The following CBLN2 variants were observed in gnomAD, a reference collection of about 807,000 sequenced individuals.
CBLN2 encodes cerebellin-2.
CBLN2 carries 7 observed loss-of-function variants against 15.0 expected under a neutral mutation model. The observed-to-expected ratio is 0.47, with a 90% confidence interval of 0.27 to 0.88. The LOEUF (loss-of-function observed/expected upper bound fraction) is 0.88, where lower values mean the gene tolerates loss of function less well. Among genes scored for constraint, CBLN2 ranks in the 40% least tolerant of loss-of-function variants. CBLN2 has a pLI of 0.14. For synonymous variants in CBLN2, 149 were observed against 135.2 expected (o/e 1.10, Z -0.71); for missense variants, 242 against 304.5 (o/e 0.79, Z 1.53).
chr18:72,574,103 A>G lies in CBLN2; in HGVS notation c.16-35331T>C, dbSNP rs190542495. ...ATTTTCTTTGATGAGGTGTCTGTTT[A>G]GGTTTTTTGCTCATTTTTTACTTGA... On this transcript the variant is annotated intron_variant, in intron 1 of 2. Transcript: ENST00000581073. Among the ~76,000 whole-genome samples the G allele has an allele frequency of 2.3e-3, 352 of 152,182 alleles. 1 individual carries two copies. The highest frequency in any genetic ancestry group is 8.1e-3 in the African/African-American group (335 of 41,516).
At chr18:72,577,872 G>T (rs886139615) in intron 1 of CBLN2, among the ~76,000 whole-genome samples, 1 of 152,202 alleles carries the variant, frequency 6.6e-6, no homozygotes, top group African/African-American at 2.4e-5. Context: ...ATCAGCATTA[G>T]AGCATTGTGA....
chr18:72,628,002 T>G (rs1312962317), intron 1 of CBLN2, among the ~76,000 whole-genome samples: 1 of 152,214 alleles, frequency 6.6e-6, no homozygotes, highest in East Asian at 1.9e-4. Context: ...TTCTTATGTC[T>G]TATGTATTAT....
chr18:72,560,756 C>T (rs891622421), intron 1 of CBLN2, among the ~76,000 whole-genome samples: 1 of 152,210 alleles, frequency 6.6e-6, no homozygotes, highest in Admixed American at 6.5e-5. Flanking sequence ...CGCCTGTAAT[C>T]CCAGCACTTT....
intron 1 of CBLN2, among the ~76,000 whole-genome samples, chr18:72,581,960 T>G (rs1052533182): frequency 6.6e-6 from 1 of 152,196 alleles, no homozygotes; most frequent in Non-Finnish European, 1.5e-5. Flanking sequence ...TTTTGGGGTT[T>G]TGTTTGTGAG....
chr18:72,615,226 AT>A (rs1272947439), intron 1 of CBLN2, among the ~76,000 whole-genome samples: 1 of 137,504 alleles, frequency 7.3e-6, no homozygotes, highest in Non-Finnish European at 1.5e-5. Context: ...ATATATGTAC[AT>A]ATATATTATA....
intron 1 of CBLN2, among the ~76,000 whole-genome samples, chr18:72,555,908 A>G (rs753468470): frequency 9.9e-5 from 15 of 152,180 alleles, no homozygotes; most frequent in Admixed American, 1.3e-4. Flanking sequence ...TATGTGGAGC[A>G]GGATGGCTTC....
intron 1 of CBLN2, among the ~76,000 whole-genome samples, chr18:72,560,148 C>T (rs904213261): frequency 7.9e-5 from 12 of 152,198 alleles, no homozygotes; most frequent in Non-Finnish European, 1.5e-4. Flanking sequence ...TTTGTAAGCA[C>T]AAGGGCTGTG....
intron 1 of CBLN2, among the ~76,000 whole-genome samples, chr18:72,601,173 T>G (rs150376655): frequency 2.1e-3 from 318 of 152,336 alleles, no homozygotes; most frequent in Non-Finnish European, 3.8e-3. Context: ...TGAGGGCTAT[T>G]ATCATCCTTG....
intron 3 of CBLN2, chr18:72,540,233 CT>C (rs1227647370): frequency 6.6e-6 from 1 of 152,240 alleles, no homozygotes; most frequent in East Asian, 1.9e-4. Context: ...ACCTCAACTC[CT>C]TCACCTCAAT....
At chr18:72,616,229 G>A (rs888013625) in intron 1 of CBLN2, among the ~76,000 whole-genome samples, 13 of 152,146 alleles carry the variant, frequency 8.5e-5, no homozygotes, top group African/African-American at 3.1e-4. Context: ...ACCTGCTTTA[G>A]TCTTCCTCCA....
intron 1 of CBLN2, among the ~76,000 whole-genome samples, chr18:72,609,124 T>G (rs1286329171): frequency 1.3e-5 from 2 of 152,142 alleles, no homozygotes; most frequent in East Asian, 3.9e-4. Context: ...GGTGTCTGTA[T>G]CTCAGCAGAG....
chr18:72,574,402 G>A (rs996250903), intron 1 of CBLN2, among the ~76,000 whole-genome samples: 1 of 152,174 alleles, frequency 6.6e-6, no homozygotes, highest in Non-Finnish European at 1.5e-5. Context: ...TTAGGCAACT[G>A]TTCTGAAGAC....
intron 1 of CBLN2, among the ~76,000 whole-genome samples, chr18:72,583,183 C>T (rs1415741568): frequency 6.6e-6 from 1 of 152,184 alleles, no homozygotes; most frequent in Non-Finnish European, 1.5e-5. Flanking sequence ...CAAGTTTCTC[C>T]TTAAACCACA....
At chr18:72,556,629 G>A (rs1457075895) in intron 1 of CBLN2, among the ~76,000 whole-genome samples, 1 of 152,188 alleles carries the variant, frequency 6.6e-6, no homozygotes, top group East Asian at 1.9e-4. Flanking sequence ...CAGTAAACAT[G>A]CGGGAGAGTT....
chr18:72,557,407 A>G (rs943669084), intron 1 of CBLN2, among the ~76,000 whole-genome samples: 5 of 152,152 alleles, frequency 3.3e-5, no homozygotes, highest in Non-Finnish European at 7.3e-5. Flanking sequence ...CAGTAATGGG[A>G]TTGCTGAGTC....
At chr18:72,586,553 C>T (rs959514880) in intron 1 of CBLN2, among the ~76,000 whole-genome samples, 2 of 152,216 alleles carry the variant, frequency 1.3e-5, no homozygotes, top group Non-Finnish European at 2.9e-5. Context: ...ATGCCCCATG[C>T]TTCACAAGTA....
Position 72,565,910 on chromosome 18 carries a change from A to G in CBLN2, c.16-27138T>C, listed in dbSNP as rs12606639. On this transcript the variant is annotated intron_variant, in intron 1 of 2. Transcript: ENST00000581073. Reference sequence around the variant, plus strand: ...GAATGGGAGAATATATTTACAAACTATACATCTTATAAGGAGTTAATATCC... The same window carrying G: ...GAATGGGAGAATATATTTACAAACTGTACATCTTATAAGGAGTTAATATCC... 0.046 allele frequency among the ~76,000 whole-genome samples: 7,033 copies of G among 152,298 alleles called. 803 individuals carry two copies. In the East Asian group the frequency reaches 0.51, roughly 11 times the overall value.
At chr18:72,593,036 G>A (rs924490785) in intron 1 of CBLN2, among the ~76,000 whole-genome samples, 2 of 152,070 alleles carry the variant, frequency 1.3e-5, no homozygotes, top group Non-Finnish European at 2.9e-5. Context: ...AATGTCATTG[G>A]TATTTTGGCA....
intron 3 of CBLN2, 36 bp downstream of exon 3, chr18:72,541,768 C>T (rs746877937): frequency 4.7e-6 from 7 of 1,490,570 alleles, no homozygotes; most frequent in Non-Finnish European, 6.2e-6. Context: ...CCCCTCTCCC[C>T]GGGCTGGGGG....
Sources: gnomAD v4.1 joint callset for allele counts (sites outside exome capture counted in the v4.1 genomes callset) on GRCh38, gnomAD v4.1.1 for gene constraint, MANE v1.5 for transcripts, NCBI Gene and HGNC (gene_info 2026-07-23, HGNC 2026-07-21) for gene names.